The following PRSS16 variants were observed in gnomAD, a reference collection of about 807,000 sequenced individuals.
PRSS16 encodes the protein thymus-specific serine protease.
In PRSS16, 43 loss-of-function variants were observed where a neutral mutation model predicts 61.7. That is an observed-to-expected ratio of 0.70 (90% CI 0.55 to 0.90). The LOEUF is 0.90. Among genes scored for constraint, PRSS16 ranks in the 40% least tolerant of loss-of-function variants. PRSS16 has a pLI of 0.00. For missense variants in PRSS16, 591 were observed against 659.1 expected, an observed-to-expected ratio of 0.90 and a Z score of 1.13; for synonymous variants, 273 against 285.2, an observed-to-expected ratio of 0.96 and a Z score of 0.43.
In PRSS16 at chr6:27,251,352, C is replaced by A; in HGVS notation, c.717+88C>A. The A allele has an allele frequency of 6.8e-7, 1 of 1,462,172 alleles. No individual in the cohort carries two copies. The highest frequency in any genetic ancestry group is 9.1e-7 in the Non-Finnish European group (1 of 1,094,554). 90.6% of individuals were successfully genotyped at this position (1,462,172 alleles called of 1,614,324 possible). On this transcript the variant is annotated intron_variant, in intron 7 of 11. Coordinates refer to ENST00000230582, the MANE Select transcript of PRSS16 (RefSeq NM_005865.4). This position sits in a 1 kb window ranked among gnomAD's most constrained non-coding sequence, Gnocchi z 5.6. ...AGAGGAGGCCAGAGAAGGGCGAAAC[C>A]TGCAACGTGGCGGGGTCTAAGGAAG...
At position 27,254,692 on chromosome 6, in the gene PRSS16, G is replaced by A; in HGVS notation, c.1151-1G>A. 6.2e-7 allele frequency: 1 copy of A among 1,610,506 alleles called. No homozygotes were observed. Among genetic ancestry groups the A allele is most frequent in the Non-Finnish European group, 8.5e-7 (1 of 1,176,796 alleles). ...ACACTTACAGGTATCTCCCTACACA[G>A]ATGTCACCTGTGAGAATCCCAGATG... is the stretch of plus-strand genomic sequence containing the variant. On this transcript the variant is annotated splice_acceptor_variant, in intron 9 of 11. Transcript: ENST00000230582. LOFTEE classifies it high-confidence loss of function.
chr6:27,255,024 G>A lies in PRSS16; in HGVS notation c.1369G>A (p.Ala457Thr), dbSNP rs371863087. 5.6e-6 allele frequency: 9 copies of A among 1,613,562 alleles called. No individual in the cohort carries two copies. The highest frequency in any genetic ancestry group is 7.6e-6 in the Non-Finnish European group (9 of 1,179,670). ...CTGGCATGTGCTAAGTGTAACACAGGCTTTAGGATCCTCAGAATCAACTCT... is the reference window on the plus strand; with the variant it reads ...CTGGCATGTGCTAAGTGTAACACAGACTTTAGGATCCTCAGAATCAACTCT... Reference protein sequence around the residue: ...DPWHVLSVTQALGSSESTLLI... With the variant: ...DPWHVLSVTQTLGSSESTLLI... The change falls in exon 11 of 12, where the codon GCT becomes ACT. Residue 457 changes from alanine to threonine, a missense_variant. By Grantham distance (58) the Ala-to-Thr change is moderately conservative. Transcript: ENST00000230582. The surrounding 1 kb of genome is among the most constrained non-coding windows in gnomAD (Gnocchi z 4.4).
Position 27,251,677 on chromosome 6 carries a change from G to T in PRSS16, c.718-73G>T, listed in dbSNP as rs917543290. On this transcript the variant is annotated intron_variant, in intron 7 of 11. Coordinates refer to ENST00000230582, the MANE Select transcript of PRSS16 (RefSeq NM_005865.4). The surrounding 1 kb of genome is among the most constrained non-coding windows in gnomAD (Gnocchi z 5.6). ...AGGGGAAAGTGGGGAACCCAAGGAG[G>T]ACGCAGGTCCTGGGTAGGGAAAGCC... The T allele has an allele frequency of 6.6e-7, 1 of 1,513,800 alleles. No homozygotes were observed. Among genetic ancestry groups the T allele is most frequent in the Non-Finnish European group, 8.8e-7 (1 of 1,142,208 alleles). The allele number at this position is 1,513,800 out of a possible 1,614,324, so 93.8% of individuals were successfully genotyped here. A position where few individuals can be genotyped will look rare whatever the true frequency, so the allele number is the denominator to read the frequency against.
chr6:27,251,809 G>A lies in PRSS16; in HGVS notation c.777G>A (p.Gly259=). The A allele has an allele frequency of 1.2e-6, 2 of 1,610,382 alleles. No homozygotes were observed. Among genetic ancestry groups the A allele is most frequent in the South Asian group, 2.2e-5 (2 of 90,916 alleles). ...TGGAGCGGCGGCTGCGCTCGGGTGG[G>A]GCGGCTCAAGCAGCATTGCGGACGG... ...AEVERRLRSG[G]AAQAALRTEL... is the part of the protein sequence containing the mutation. Residue 259 remains glycine, a synonymous_variant, in exon 8 of 12, where the codon GGG becomes GGA. Coordinates refer to ENST00000230582, the MANE Select transcript of PRSS16 (RefSeq NM_005865.4). The surrounding 1 kb of genome is among the most constrained non-coding windows in gnomAD (Gnocchi z 5.6).
chr6:27,251,006 C>T lies in PRSS16; in HGVS notation c.592-36C>T. 6.2e-7 allele frequency: 1 copy of T among 1,610,832 alleles called. No homozygotes were observed. The highest frequency in any genetic ancestry group is 8.5e-7 in the Non-Finnish European group (1 of 1,178,724). On this transcript the variant is annotated intron_variant, in intron 5 of 11. Transcript: ENST00000230582. The surrounding 1 kb of genome is among the most constrained non-coding windows in gnomAD (Gnocchi z 5.6). Reference sequence around the variant, plus strand: ...GGCAGAAAGATATGCGATTCCAACCCCTCAGCCCGCAGGCTGACGGCGTCT... The same window carrying T: ...GGCAGAAAGATATGCGATTCCAACCTCTCAGCCCGCAGGCTGACGGCGTCT...
rs1760010713 is a variant in PRSS16 at position 27,255,439 on chromosome 6, C to A, written c.*124C>A. ...CAGGAATTGGAATTCAGCACCTGTT[C>A]CGCACGTAATTGGCATGTGTCTGCA... On this transcript the variant is annotated 3_prime_UTR_variant, in exon 12 of 12. Coordinates refer to ENST00000230582, the MANE Select transcript of PRSS16 (RefSeq NM_005865.4). The surrounding 1 kb of genome is among the most constrained non-coding windows in gnomAD (Gnocchi z 4.4). 2 of 985,954 alleles carry A rather than the reference C, an allele frequency of 2.0e-6. No individual in the cohort carries two copies. Among genetic ancestry groups the A allele is most frequent in the Admixed American group, 2.5e-5 (1 of 40,382 alleles). 61.1% of individuals were successfully genotyped at this position (985,954 alleles called of 1,614,324 possible). A position where few individuals can be genotyped will look rare whatever the true frequency, so the allele number is the denominator to read the frequency against.
Position 27,248,051 on chromosome 6 carries a change from G to A in PRSS16, c.237+3G>A. 6.2e-7 allele frequency: 1 copy of A among 1,612,504 alleles called. No individual in the cohort carries two copies. Among genetic ancestry groups the A allele is most frequent in the Non-Finnish European group, 8.5e-7 (1 of 1,179,378 alleles). ...CCGACAGACGATCCTTCCTACAGGT[G>A]AGGCCGGGAGACGGGGAGTCCACTA... On this transcript the variant is annotated splice_donor_region_variant and intron_variant, in intron 2 of 11. Transcript: ENST00000230582.
At chr6:27,250,286 T>A (rs142580265) in intron 4 of PRSS16, among the ~76,000 whole-genome samples, 69 of 152,376 alleles carry the variant, frequency 4.5e-4, no homozygotes, top group African/African-American at 1.6e-3. Context: ...TCTTTGTGTC[T>A]GTTCTCTCTC....
At position 27,255,325 on chromosome 6, in the gene PRSS16, C is replaced by T; in HGVS notation, c.*10C>T. The T allele has an allele frequency of 1.3e-6, 2 of 1,597,744 alleles. No homozygotes were observed. The highest frequency in any genetic ancestry group is 1.7e-6 in the Non-Finnish European group (2 of 1,168,416). ...TAAGGGTGAAGTCTGAATCTCATAC[C>T]CTTTCCACTCCCTGCATGGTCACCT... On this transcript the variant is annotated 3_prime_UTR_variant, in exon 12 of 12. Coordinates refer to ENST00000230582, the MANE Select transcript of PRSS16 (RefSeq NM_005865.4). This position sits in a 1 kb window ranked among gnomAD's most constrained non-coding sequence, Gnocchi z 4.4.
Position 27,252,030 on chromosome 6 carries a change from G to C in PRSS16, c.998G>C (p.Arg333Pro). The C allele has an allele frequency of 6.5e-7, 1 of 1,535,884 alleles. No individual in the cohort carries two copies. ...SHSTPYCGLR[R>P]AVQIVLHSLG... ...TCCACGCCCTACTGCGGGCTTCGTCGGGCGGTGCAGGTGAGCACTCCCTGG... is the reference window on the plus strand; with the variant it reads ...TCCACGCCCTACTGCGGGCTTCGTCCGGCGGTGCAGGTGAGCACTCCCTGG... Residue 333 changes from arginine (R) to proline (P), a missense_variant, in exon 8 of 12, where the codon CGG becomes CCG. Transcript: ENST00000230582. This position sits in a 1 kb window ranked among gnomAD's most constrained non-coding sequence, Gnocchi z 4.2.
rs1759914376 is a variant in PRSS16, at chr6:27,251,817, A to C, written c.785A>C (p.Gln262Pro). The change falls in exon 8 of 12, where the codon CAA becomes CCA. Residue 262 changes from glutamine to proline, a missense_variant. Physicochemically the swap from Gln to Pro is moderately conservative, Grantham distance 76. Transcript: ENST00000230582. The surrounding 1 kb of genome is among the most constrained non-coding windows in gnomAD (Gnocchi z 5.6). Reference protein sequence around the residue: ...ERRLRSGGAAQAALRTELSAC... With the variant: ...ERRLRSGGAAPAALRTELSAC... ...CGGCTGCGCTCGGGTGGGGCGGCTC[A>C]AGCAGCATTGCGGACGGAGCTGAGC... is the stretch of plus-strand genomic sequence containing the variant. 1 of 1,611,166 alleles carries C rather than the reference A, an allele frequency of 6.2e-7. No individual in the cohort carries two copies. The highest frequency in any genetic ancestry group is 1.7e-5 in the Admixed American group (1 of 59,670).
intron 9 of PRSS16, 96 bp from the exon 10 acceptor site, chr6:27,254,597 G>A (rs1205467119): frequency 2.5e-6 from 3 of 1,210,698 alleles, no homozygotes; most frequent in Non-Finnish European, 3.6e-6. Context: ...TATTAGAAAT[G>A]TTCTGGTCAT....
At position 27,251,983 on chromosome 6, in the gene PRSS16, G is replaced by A; in HGVS notation, c.951G>A (p.Gly317=). 6.3e-7 allele frequency: 1 copy of A among 1,592,376 alleles called. No homozygotes were observed. The highest frequency in any genetic ancestry group is 8.5e-7 in the Non-Finnish European group (1 of 1,170,818). The change falls in exon 8 of 12, where the codon GGG becomes GGA. Residue 317 remains glycine, a synonymous_variant. Transcript: ENST00000230582. This position sits in a 1 kb window ranked among gnomAD's most constrained non-coding sequence, Gnocchi z 5.6. The stretch of plus-strand genomic sequence containing the variant: ...GACAGCTCTGCGGACTTCTCCTCGG[G>A]GGCGGGGGCAACCGCAGCCACTCCA... The part of the protein sequence containing the change: ...SVRQLCGLLL[G]GGGNRSHSTP...
At position 27,255,900 on chromosome 6, in the gene PRSS16, T is replaced by G. The variant is rs901671559; in HGVS notation, c.*585T>G. On this transcript the variant is annotated 3_prime_UTR_variant, in exon 12 of 12. Coordinates refer to ENST00000230582, the MANE Select transcript of PRSS16 (RefSeq NM_005865.4). This position sits in a 1 kb window ranked among gnomAD's most constrained non-coding sequence, Gnocchi z 4.4. ...TTTCTGGCTCTCCGTCAGTGTCTTTTTCTCTCCTCTCTCTCTTGCTCTGCC... is the reference window on the plus strand; with the variant it reads ...TTTCTGGCTCTCCGTCAGTGTCTTTGTCTCTCCTCTCTCTCTTGCTCTGCC... The G allele has an allele frequency of 2.6e-5, 4 of 153,628 alleles. No individual in the cohort carries two copies. Among genetic ancestry groups the G allele is most frequent in the Non-Finnish European group, 5.8e-5 (4 of 69,122 alleles). The allele number at this position is 153,628 out of a possible 1,614,324, so 9.5% of individuals were successfully genotyped here. A position where few individuals can be genotyped will look rare whatever the true frequency, so the allele number is the denominator to read the frequency against.
At chr6:27,250,491 T>C (rs1485188014) in intron 4 of PRSS16, among the ~76,000 whole-genome samples, 192 bp from the exon 5 acceptor site, 1 of 152,114 alleles carries the variant, frequency 6.6e-6, no homozygotes, top group Non-Finnish European at 1.5e-5. Flanking sequence ...GGGTCTCCCT[T>C]GGCCTAGGCA....
rs776678915 is a variant in PRSS16, at chr6:27,251,272, G to A, written c.717+8G>A. 9 of 1,601,612 alleles carry A rather than the reference G, an allele frequency of 5.6e-6. No homozygotes were observed. Among genetic ancestry groups the A allele is most frequent in the Non-Finnish European group, 7.7e-6 (9 of 1,174,018 alleles). ...ATCGGCGGGTCCCTGGAGGTAGGAG[G>A]TGGGGCCTAGTCCGAGGGGGACTGG... On this transcript the variant is annotated splice_region_variant and intron_variant, in intron 7 of 11. Coordinates refer to ENST00000230582, the MANE Select transcript of PRSS16 (RefSeq NM_005865.4). This position sits in a 1 kb window ranked among gnomAD's most constrained non-coding sequence, Gnocchi z 5.6.
Position 27,252,009 on chromosome 6 carries a change from C to T in PRSS16, c.977C>T (p.Thr326Met). The T allele has an allele frequency of 1.3e-6, 2 of 1,565,264 alleles. No homozygotes were observed. The highest frequency in any genetic ancestry group is 1.7e-6 in the Non-Finnish European group (2 of 1,158,136). Residue 326 changes from threonine to methionine, a missense_variant, in exon 8 of 12, where the codon ACG (threonine) becomes ATG (methionine). By Grantham distance (81) the Thr-to-Met change is moderately conservative. Transcript: ENST00000230582. This position sits in a 1 kb window ranked among gnomAD's most constrained non-coding sequence, Gnocchi z 4.2. Reference sequence around the variant, plus strand: ...GGCGGGGGCAACCGCAGCCACTCCACGCCCTACTGCGGGCTTCGTCGGGCG... The same window carrying T: ...GGCGGGGGCAACCGCAGCCACTCCATGCCCTACTGCGGGCTTCGTCGGGCG... The part of the protein sequence containing the change: ...LGGGGNRSHS[T>M]PYCGLRRAVQ...
rs201197789 is a variant in PRSS16, at chr6:27,250,666, C to G, written c.468-17C>G. 4 of 1,584,798 alleles carry G rather than the reference C, an allele frequency of 2.5e-6. No homozygotes were observed. The highest frequency in any genetic ancestry group is 3.4e-6 in the Non-Finnish European group (4 of 1,167,174). ...TCCCAGCGATGAGGACCGACCGAGT[C>G]CCCCCTTTGACCCTAGGCTGGCTGA... On this transcript the variant is annotated splice_polypyrimidine_tract_variant and intron_variant, in intron 4 of 11. Transcript: ENST00000230582.
chr6:27,248,508 T>A (rs1391325790), intron 2 of PRSS16, among the ~76,000 whole-genome samples: 3 of 152,122 alleles, frequency 2.0e-5, no homozygotes, highest in Non-Finnish European at 4.4e-5. Flanking sequence ...CCAAATATCA[T>A]CCCACTTGGA....
Sources: gnomAD v4.1 joint callset for allele counts (sites outside exome capture counted in the v4.1 genomes callset) on GRCh38, gnomAD v4.1.1 for gene constraint, Gnocchi (gnomAD v3.1) non-coding constraint, MANE v1.5 for transcripts, NCBI Gene and HGNC (gene_info 2026-07-23, HGNC 2026-07-21) for gene names.